The following TBC1D16 variants were observed in gnomAD, a reference collection of about 807,000 sequenced individuals.
The protein encoded by TBC1D16 is CTD-2529O21.1.
TBC1D16 carries 58 observed loss-of-function variants against 74.7 expected under a neutral mutation model. The ratio of observed to expected loss-of-function variants is 0.78; its 90% confidence interval spans 0.63 to 0.97. The LOEUF (loss-of-function observed/expected upper bound fraction) is 0.97, where lower values mean the gene tolerates loss of function less well. Ranked by LOEUF, TBC1D16 falls within the 50% of genes least tolerant of loss-of-function variation. TBC1D16 has a pLI of 0.00. For synonymous variants in TBC1D16, 493 were observed against 474.7 expected (o/e 1.04, Z -0.50); for missense variants, 1,014 against 1,079.5 (o/e 0.94, Z 0.85).
chr17:80,027,325 G>T (rs2036613047), intron 1 of TBC1D16, among the ~76,000 whole-genome samples: 1 of 152,088 alleles, frequency 6.6e-6, no homozygotes, highest in Non-Finnish European at 1.5e-5. Context: ...AGCTGGGCAT[G>T]GTGGCATGTG....
chr17:79,948,171 C>T (rs1240364556), intron 8 of TBC1D16, among the ~76,000 whole-genome samples: 1 of 152,102 alleles, frequency 6.6e-6, no homozygotes, highest in Non-Finnish European at 1.5e-5. Context: ...CTTAGCCGGG[C>T]ATGGTGGGGT....
At chr17:79,948,726 CG>C (rs2032774711) in intron 8 of TBC1D16, 145 bp downstream of exon 8, 1 of 1,111,396 alleles carries the variant, frequency 9.0e-7, no homozygotes, top group African/African-American at 1.5e-5. Flanking sequence ...TCATGAGTAG[CG>C]TATCCTTCAC....
At chr17:80,022,976 G>A (rs2036336638) in intron 1 of TBC1D16, among the ~76,000 whole-genome samples, 1 of 150,012 alleles carries the variant, frequency 6.7e-6, no homozygotes, top group Admixed American at 6.6e-5. Flanking sequence ...AATTTTAAGA[G>A]GTGCCTTGGC....
intron 3 of TBC1D16, among the ~76,000 whole-genome samples, chr17:79,998,602 C>T (rs2035366501): frequency 6.6e-6 from 1 of 150,758 alleles, no homozygotes; most frequent in African/African-American, 2.4e-5. Context: ...ACCTCGGCCT[C>T]CCAAAGCGCT....
chr17:79,960,239 A>T, intron 3 of TBC1D16, among the ~76,000 whole-genome samples: 1 of 152,214 alleles, frequency 6.6e-6, no homozygotes, highest in East Asian at 1.9e-4. Context: ...TATACAGAAT[A>T]TAGAAAAGGT....
At chr17:80,029,051 CA>C (rs1260314069) in intron 1 of TBC1D16, among the ~76,000 whole-genome samples, 1 of 152,110 alleles carries the variant, frequency 6.6e-6, no homozygotes, top group African/African-American at 2.4e-5. Context: ...GCTCATAAAA[CA>C]AAAAACTGTG....
At position 80,000,038 on chromosome 17, in the gene TBC1D16, T is replaced by C. The variant is rs903398114; in HGVS notation, c.779+10122A>G. 5.9e-4 allele frequency among the ~76,000 whole-genome samples: 90 copies of C among 151,906 alleles called. No homozygotes were observed. Among genetic ancestry groups the C allele is most frequent in the Non-Finnish European group, 1.9e-4 (13 of 67,984 alleles). ...AACAAGGAGTTTCTCAGGGCCCTGA[T>C]TGTGTTTGGTTTTTTGCTTTTTGTT... On this transcript the variant is annotated intron_variant, in intron 3 of 11. Coordinates refer to ENST00000310924, the MANE Select transcript of TBC1D16 (RefSeq NM_019020.4). This position sits in a 1 kb window ranked among gnomAD's most constrained non-coding sequence, Gnocchi z 4.1.
In TBC1D16 at chr17:79,942,158, C is replaced by T. The variant is rs375319597; in HGVS notation, c.1957G>A (p.Gly653Arg). Residue 653 changes from glycine to arginine, a missense_variant, in exon 11 of 12, where the codon GGG becomes AGG. Physicochemically the swap from Gly to Arg is moderately radical, Grantham distance 125. Coordinates refer to ENST00000310924, the MANE Select transcript of TBC1D16 (RefSeq NM_019020.4). ...AGCTGCTGCTCGATGACGTCATCCC[C>T]GTAGATGGCCACGATGGCCACGCAG... is the stretch of plus-strand genomic sequence containing the variant. ...FICVAIVAIY[G>R]DDVIEQQLAT... 20 of 1,609,266 alleles carry T rather than the reference C, an allele frequency of 1.2e-5. No homozygotes were observed. Among genetic ancestry groups the T allele is most frequent in the African/African-American group, 5.3e-5 (4 of 74,838 alleles).
rs534586958 is a variant in TBC1D16, at chr17:79,944,143, A to G, written c.1908+765T>C. On this transcript the variant is annotated intron_variant, in intron 10 of 11. Coordinates refer to ENST00000310924, the MANE Select transcript of TBC1D16 (RefSeq NM_019020.4). The surrounding 1 kb of genome is among the most constrained non-coding windows in gnomAD (Gnocchi z 7.7). ...AGTGAGGACAGGAGACGCTGACGCAAATGTCTTCCAGCAGATGGGTGTTTG... is the reference window on the plus strand; with the variant it reads ...AGTGAGGACAGGAGACGCTGACGCAGATGTCTTCCAGCAGATGGGTGTTTG... 7.2e-6 allele frequency: 11 copies of G among 1,535,662 alleles called. No homozygotes were observed. Among genetic ancestry groups the G allele is most frequent in the Non-Finnish European group, 9.6e-6 (11 of 1,146,742 alleles).
At chr17:80,024,457 CA>C (rs1223146059) in intron 1 of TBC1D16, among the ~76,000 whole-genome samples, 854 of 9,042 alleles carry the variant, frequency 0.094, 1 homozygote, top group African/African-American at 0.22. Context: ...ACACCACACA[CA>C]CCATAGACAC....
At chr17:80,002,327 C>T (rs946747933) in intron 3 of TBC1D16, among the ~76,000 whole-genome samples, 1 of 152,230 alleles carries the variant, frequency 6.6e-6, no homozygotes, top group Non-Finnish European at 1.5e-5. Context: ...CGCTGATACT[C>T]GGTCGACAAG....
intron 3 of TBC1D16, among the ~76,000 whole-genome samples, chr17:79,972,202 A>C (rs1373458475): frequency 2.6e-5 from 4 of 151,830 alleles, no homozygotes; most frequent in African/African-American, 9.7e-5. Flanking sequence ...CCTGAGAGGG[A>C]GTCTTGCTTT....
At position 80,015,190 on chromosome 17, in the gene TBC1D16, G is replaced by C. The variant is rs112321389; in HGVS notation, c.-62-1581C>G. Among the ~76,000 whole-genome samples, 134 of 152,286 alleles carry C rather than the reference G, an allele frequency of 8.8e-4. 1 individual carries two copies. Among genetic ancestry groups the C allele is most frequent in the African/African-American group, 3.0e-3 (123 of 41,562 alleles). On this transcript the variant is annotated intron_variant, in intron 1 of 11. Transcript: ENST00000310924. Reference sequence around the variant, plus strand: ...CATGCCTGTAATCCAAGCACTTTGGGGGGCCGAGGCAGGTGGATCACCTGA... The same window carrying C: ...CATGCCTGTAATCCAAGCACTTTGGCGGGCCGAGGCAGGTGGATCACCTGA...
Position 79,950,172 on chromosome 17 carries a change from C to G in TBC1D16, c.1257+239G>C, listed in dbSNP as rs540690248. 6.3e-4 allele frequency among the ~76,000 whole-genome samples: 96 copies of G among 152,012 alleles called. No homozygotes were observed. Among genetic ancestry groups the G allele is most frequent in the Non-Finnish European group, 1.2e-3 (82 of 67,962 alleles). On this transcript the variant is annotated intron_variant, in intron 6 of 11. Coordinates refer to ENST00000310924, the MANE Select transcript of TBC1D16 (RefSeq NM_019020.4). This position sits in a 1 kb window ranked among gnomAD's most constrained non-coding sequence, Gnocchi z 4.6. Reference sequence around the variant, plus strand: ...GCAAACCCTTCTATGCAGGCTGACACGGTATCCCCCCAAACCCTCGAGGGA... The same window carrying G: ...GCAAACCCTTCTATGCAGGCTGACAGGGTATCCCCCCAAACCCTCGAGGGA...
chr17:80,016,045 G>A (rs1257485349), intron 1 of TBC1D16, among the ~76,000 whole-genome samples: 3 of 151,584 alleles, frequency 2.0e-5, no homozygotes, highest in Non-Finnish European at 2.9e-5. Flanking sequence ...TAGTAACTGG[G>A]AGTGGATAAA....
intron 2 of TBC1D16, among the ~76,000 whole-genome samples, chr17:80,011,427 G>A (rs1429717541): frequency 6.6e-6 from 1 of 152,128 alleles, no homozygotes; most frequent in Non-Finnish European, 1.5e-5. Flanking sequence ...TCACCTGCCT[G>A]CAGCCTCCCT....
chr17:80,017,432 G>C (rs1016559071), intron 1 of TBC1D16, among the ~76,000 whole-genome samples: 12 of 151,986 alleles, frequency 7.9e-5, no homozygotes, highest in African/African-American at 2.9e-4. Flanking sequence ...CTGTAATCTT[G>C]GTACTTTGGG....
At position 79,951,717 on chromosome 17, in the gene TBC1D16, C is replaced by T; in HGVS notation, c.942-120G>A. The T allele has an allele frequency of 5.7e-6, 7 of 1,221,834 alleles. No homozygotes were observed. In the South Asian group the frequency reaches 1.0e-4, roughly 18 times the overall value. 75.7% of individuals were successfully genotyped at this position (1,221,834 alleles called of 1,614,324 possible). On this transcript the variant is annotated intron_variant, in intron 4 of 11. Transcript: ENST00000310924. ...CCTCAGAAGCAGGAAACAGTGAGTC[C>T]CAGTGGAGTTGGCTGCTAGCGGGAG...
At position 79,987,484 on chromosome 17, in the gene TBC1D16, C is replaced by T. The variant is rs1033204801; in HGVS notation, c.779+22676G>A. Among the ~76,000 whole-genome samples, 26 of 152,194 alleles carry T rather than the reference C, an allele frequency of 1.7e-4. No individual in the cohort carries two copies. Among genetic ancestry groups the T allele is most frequent in the East Asian group, 1.4e-3 (7 of 5,168 alleles). On this transcript the variant is annotated intron_variant, in intron 3 of 11. Coordinates refer to ENST00000310924, the MANE Select transcript of TBC1D16 (RefSeq NM_019020.4). The surrounding 1 kb of genome is among the most constrained non-coding windows in gnomAD (Gnocchi z 5.2). Reference sequence around the variant, plus strand: ...CTGATCTTGAACTCCTGGGCTCAAGCGCTCCTCCTGCCTCGGCCTCCCAAA... The same window carrying T: ...CTGATCTTGAACTCCTGGGCTCAAGTGCTCCTCCTGCCTCGGCCTCCCAAA...
Sources: allele counts gnomAD v4.1 joint callset (sites outside exome capture counted in the v4.1 genomes callset), GRCh38; gene constraint gnomAD v4.1.1; non-coding constraint Gnocchi (gnomAD v3.1); transcripts MANE v1.5; gene names NCBI Gene and HGNC (gene_info 2026-07-23, HGNC 2026-07-21).